AIMP1: variants seen among roughly 807,000 people sequenced by gnomAD.
AIMP1 encodes aminoacyl tRNA synthetase complex interacting multifunctional protein 1, also known as aminoacyl tRNA synthase complex-interacting multifunctional protein 1.
Under a neutral mutation model 33.1 loss-of-function variants are expected in AIMP1, and 24 were observed. That is an observed-to-expected ratio of 0.73 (90% confidence interval 0.53 to 1.02). AIMP1 has a LOEUF of 1.02. Among genes scored for constraint, AIMP1 ranks in the 50% least tolerant of loss-of-function variants. The probability of loss-of-function intolerance (pLI) is 0.00; values close to 1 mark genes in which losing one functional copy is unlikely to be tolerated. For synonymous variants in AIMP1, 120 were observed against 121.5 expected (o/e 0.99, Z 0.08); for missense variants, 367 against 364.8 (o/e 1.01, Z -0.05).
At chr4:106,340,149 A>G (rs2125927542) in intron 6 of AIMP1, among the ~76,000 whole-genome samples, 1 of 152,374 alleles carries the variant, frequency 6.6e-6, no homozygotes, top group East Asian at 1.9e-4. Context: ...AAAGGCAGAT[A>G]TAAATGAAGA....
At chr4:106,340,011 GA>G (rs1195620189) in intron 6 of AIMP1, among the ~76,000 whole-genome samples, 1 of 152,110 alleles carries the variant, frequency 6.6e-6, no homozygotes, top group Non-Finnish European at 1.5e-5. Flanking sequence ...TGAAGCAGAA[GA>G]GAAAAGATTC....
chr4:106,327,695 T>C, intron 3 of AIMP1, 131 bp downstream of exon 3: 1 of 664,186 alleles, frequency 1.5e-6, no homozygotes, highest in Non-Finnish European at 2.6e-6. Flanking sequence ...ATGACTCAGA[T>C]TTATCAATAA....
chr4:106,316,355 A>C (rs557544879), upstream of AIMP1: 4 of 580,568 alleles, frequency 6.9e-6, no homozygotes, highest in East Asian at 3.0e-5. Flanking sequence ...GTGCGGGGGG[A>C]CGGGGGGGGT....
chr4:106,327,363 G>C (rs1345636544), intron 2 of AIMP1, 88 bp from the exon 3 acceptor site: 1 of 933,388 alleles, frequency 1.1e-6, no homozygotes, highest in Non-Finnish European at 1.7e-6. Flanking sequence ...TATCCTAGCT[G>C]TAGTTATACT....
intron 1 of AIMP1, among the ~76,000 whole-genome samples, chr4:106,320,162 C>G (rs1262944755): frequency 8.6e-6 from 1 of 115,916 alleles, no homozygotes; most frequent in Non-Finnish European, 2.2e-5. Context: ...GACTTATACT[C>G]AATGTAAAAT....
chr4:106,340,489 G>T (rs954405649), intron 6 of AIMP1, among the ~76,000 whole-genome samples: 2 of 152,146 alleles, frequency 1.3e-5, no homozygotes, highest in Non-Finnish European at 2.9e-5. Flanking sequence ...CTTCATGTCT[G>T]TGTATACGCA....
intron 6 of AIMP1, among the ~76,000 whole-genome samples, chr4:106,339,831 T>G (rs1043729147): frequency 1.3e-5 from 2 of 152,216 alleles, no homozygotes. Context: ...TATACTTGCA[T>G]ATGTTTTTAC....
chr4:106,336,753 C>A, intron 5 of AIMP1, 116 bp from the exon 6 acceptor site: 2 of 1,014,610 alleles, frequency 2.0e-6, no homozygotes, highest in East Asian at 2.4e-5. Context: ...GACAAAGGTA[C>A]ATCCACAAAA....
At chr4:106,316,407 T>TCTTCC, upstream of AIMP1, 1 of 758,246 alleles carries the variant, frequency 1.3e-6, no homozygotes, top group Non-Finnish European at 2.2e-6. Flanking sequence ...ACGAGGAGCG[T>TCTTCC]GGTATGGCAG....
intron 4 of AIMP1, among the ~76,000 whole-genome samples, chr4:106,329,432 ACCACAAGACCAAATGG>A (rs2125922880): frequency 6.6e-6 from 1 of 152,274 alleles, no homozygotes; most frequent in South Asian, 2.1e-4. Flanking sequence ...AGCACACAGG[ACCACAAGACCAAATGG>A]AGTTATAAGA....
At chr4:106,327,943 C>A in intron 3 of AIMP1, 133 bp from the exon 4 acceptor site, 1 of 1,349,040 alleles carries the variant, frequency 7.4e-7, no homozygotes, top group Non-Finnish European at 1.0e-6. Context: ...TAGTCTCAGA[C>A]AGTGGATATT....
intron 1 of AIMP1, among the ~76,000 whole-genome samples, chr4:106,317,629 A>G (rs981257739): frequency 1.3e-5 from 2 of 152,212 alleles, no homozygotes; most frequent in African/African-American, 4.8e-5. Flanking sequence ...ATGTAAGAGT[A>G]TTATAGATGA....
intron 2 of AIMP1, 101 bp downstream of exon 2, chr4:106,325,219 T>A: frequency 8.7e-7 from 1 of 1,153,248 alleles, no homozygotes; most frequent in Non-Finnish European, 1.2e-6. Context: ...AAGTTTTACT[T>A]AGAAGTTTCT....
At position 106,348,037 on chromosome 4, in the gene AIMP1, T is replaced by TC. The variant is rs1419290882; in HGVS notation, c.*346dup. 1 of 186,344 alleles carries TC rather than the reference T, an allele frequency of 5.4e-6. No homozygotes were observed. The highest frequency in any genetic ancestry group is 1.1e-5 in the Non-Finnish European group (1 of 89,168). 11.5% of individuals were successfully genotyped at this position (186,344 alleles called of 1,614,324 possible). ...TTGTAGGCACAGGATGCATGAAATT[T>TC]CAAGCTCTGGGATTTTTTGTATATT... On this transcript the variant is annotated 3_prime_UTR_variant, in exon 7 of 7. Transcript: ENST00000672341.
At chr4:106,322,883 C>G (rs569664327) in intron 1 of AIMP1, among the ~76,000 whole-genome samples, 2 of 151,570 alleles carry the variant, frequency 1.3e-5, no homozygotes, top group Admixed American at 1.3e-4. Context: ...ATTTGGGAGG[C>G]TAAGGCAGGA....
intron 1 of AIMP1, chr4:106,321,229 C>G: frequency 6.3e-6 from 1 of 159,142 alleles, no homozygotes; most frequent in South Asian, 1.9e-4. Context: ...GTGAGGAGCC[C>G]CTCTGCCCGG....
chr4:106,319,030 AGTATT>A (rs1343264293), intron 1 of AIMP1, among the ~76,000 whole-genome samples: 7 of 152,184 alleles, frequency 4.6e-5, no homozygotes, highest in Non-Finnish European at 1.0e-4. Flanking sequence ...TTTCTTGTAT[AGTATT>A]TAAAGCTTCC....
At chr4:106,327,969 G>A (rs1056747493) in intron 3 of AIMP1, 107 bp from the exon 4 acceptor site, 10 of 1,499,494 alleles carry the variant, frequency 6.7e-6, no homozygotes, top group Non-Finnish European at 9.0e-6. Flanking sequence ...GCCATATACA[G>A]TGAATTTTTC....
intron 2 of AIMP1, among the ~76,000 whole-genome samples, chr4:106,325,919 CAGTA>C (rs1220316308): frequency 6.6e-6 from 1 of 152,024 alleles, no homozygotes; most frequent in African/African-American, 2.4e-5. Flanking sequence ...ATATGTATTT[CAGTA>C]AGTAATACTT....
Sources: allele counts gnomAD v4.1 joint callset (sites outside exome capture counted in the v4.1 genomes callset), GRCh38; gene constraint gnomAD v4.1.1; transcripts MANE v1.5; gene names NCBI Gene and HGNC (gene_info 2026-07-23, HGNC 2026-07-21).